Variants in SLC66A1 observed in about 807,000 individuals in gnomAD.
The protein encoded by SLC66A1 is solute carrier family 66 member 1, also known as lysosomal amino acid transporter 1 homolog.
A neutral mutation model predicts 33.0 loss-of-function variants in SLC66A1; 23 were observed. That is an observed-to-expected ratio of 0.70 (90% CI 0.50 to 0.99). The LOEUF (loss-of-function observed/expected upper bound fraction) is 0.99, where lower values mean the gene tolerates loss of function less well. SLC66A1 is among the 50% of genes least tolerant of loss of function. The pLI is 0.00. For synonymous variants in SLC66A1, 164 were observed against 175.5 expected (o/e 0.93, Z 0.52); for missense variants, 335 against 383.6 (o/e 0.87, Z 1.06).
chr1:19,324,511 C>G, intron 2 of SLC66A1, 122 bp from the exon 3 acceptor site: 1 of 1,274,710 alleles, frequency 7.8e-7, no homozygotes, highest in African/African-American at 1.5e-5. Context: ...GGCCGCCAGG[C>G]CACTTCCTCT....
downstream of SLC66A1, among the ~76,000 whole-genome samples, chr1:19,330,142 T>C (rs2093888553): frequency 6.6e-6 from 1 of 152,132 alleles, no homozygotes; most frequent in South Asian, 2.1e-4. Context: ...CCAGACCCTG[T>C]TCTGATTCCA....
rs577136557 is a variant in SLC66A1 at position 19,312,804 on chromosome 1, C to T, written c.-164C>T. The T allele has an allele frequency of 8.0e-4, 122 of 153,092 alleles. 1 individual carries two copies. Among genetic ancestry groups the T allele is most frequent in the African/African-American group, 2.9e-3 (120 of 41,604 alleles). The allele number at this position is 153,092 out of a possible 1,614,324, so 9.5% of individuals were successfully genotyped here. A position where few individuals can be genotyped will look rare whatever the true frequency, so the allele number is the denominator to read the frequency against. On this transcript the variant is annotated 5_prime_UTR_variant, in exon 1 of 8. Transcript: ENST00000375153. ...CGAGGCCTGGAGTGGGTGGTAGCCCCGAGCTGGGACGCTCCTCCCTCCACA... is the reference window on the plus strand; with the variant it reads ...CGAGGCCTGGAGTGGGTGGTAGCCCTGAGCTGGGACGCTCCTCCCTCCACA...
intron 1 of SLC66A1, among the ~76,000 whole-genome samples, chr1:19,315,799 C>T (rs926161019): frequency 2.6e-5 from 4 of 152,126 alleles, no homozygotes; most frequent in Non-Finnish European, 4.4e-5. Context: ...GGACCTGAGG[C>T]GGGTGGTGTG....
At position 19,324,553 on chromosome 1, in the gene SLC66A1, C is replaced by T. The variant is rs1309560101; in HGVS notation, c.165-80C>T. 13 of 1,559,326 alleles carry T rather than the reference C, an allele frequency of 8.3e-6. No homozygotes were observed. The East Asian group carries it at 1.8e-4, about 22-fold the overall frequency. ...CCGCCTCGATCCCCATGGTCGTCTCCTCTGGGCGGTGTCCCCTATAAGGCG... is the reference window on the plus strand; with the variant it reads ...CCGCCTCGATCCCCATGGTCGTCTCTTCTGGGCGGTGTCCCCTATAAGGCG... On this transcript the variant is annotated intron_variant, in intron 2 of 7. Transcript: ENST00000375153.
chr1:19,319,680 A>C (rs570655369), intron 2 of SLC66A1, among the ~76,000 whole-genome samples: 30 of 141,108 alleles, frequency 2.1e-4, no homozygotes, highest in African/African-American at 8.1e-4. Context: ...AGGCGGGCAG[A>C]TCGCCTGAGG....
chr1:19,333,650 A>G (rs1400783177), downstream of SLC66A1, among the ~76,000 whole-genome samples: 2 of 152,118 alleles, frequency 1.3e-5, no homozygotes, highest in African/African-American at 4.8e-5. This position sits in a 1 kb window ranked among gnomAD's most constrained non-coding sequence, Gnocchi z 4.2. Flanking sequence ...CCAGATGGTA[A>G]AGCTTTAAAC....
intron 4 of SLC66A1, 149 bp from the exon 5 acceptor site, chr1:19,326,096 G>A (rs530433634): frequency 2.8e-6 from 2 of 707,102 alleles, no homozygotes; most frequent in African/African-American, 3.6e-5. Flanking sequence ...GTACCCATTC[G>A]ACAGATGAAG....
At chr1:19,323,025 G>T (rs2093845783) in intron 2 of SLC66A1, among the ~76,000 whole-genome samples, 1 of 151,994 alleles carries the variant, frequency 6.6e-6, no homozygotes, top group Non-Finnish European at 1.5e-5. Context: ...GGGACCACAG[G>T]TCCCCACTCC....
At chr1:19,324,208 C>T (rs765671214) in intron 2 of SLC66A1, among the ~76,000 whole-genome samples, 6 of 152,268 alleles carry the variant, frequency 3.9e-5, no homozygotes, top group Admixed American at 2.0e-4. Context: ...TCGGCCCGCA[C>T]GTCCCTTTCC....
rs765457075 is a variant in SLC66A1 at position 19,327,638 on chromosome 1, A to T, written c.804+226A>T. 1.6e-5 allele frequency: 11 copies of T among 706,428 alleles called. No homozygotes were observed. The South Asian group carries it at 1.7e-4, about 11-fold the overall frequency. The allele number at this position is 706,428 out of a possible 1,614,324, so 43.8% of individuals were successfully genotyped here. On this transcript the variant is annotated intron_variant, in intron 7 of 7. Transcript: ENST00000375153. ...GAGCCGTGAGTGAGCAAGAACAGCCATGAGTGCCCCAGAAGCTTACAGCCC... is the reference window on the plus strand; with the variant it reads ...GAGCCGTGAGTGAGCAAGAACAGCCTTGAGTGCCCCAGAAGCTTACAGCCC...
intron 2 of SLC66A1, among the ~76,000 whole-genome samples, chr1:19,318,377 T>C (rs1404204935): frequency 6.6e-6 from 1 of 152,186 alleles, no homozygotes; most frequent in Non-Finnish European, 1.5e-5. Context: ...GAGGACATGC[T>C]GCACAGGGGT....
intron 1 of SLC66A1, chr1:19,313,118 A>G (rs921686465): frequency 1.4e-4 from 113 of 820,158 alleles, no homozygotes; most frequent in South Asian, 1.3e-3. Flanking sequence ...TTAACTCTGC[A>G]GTCAGCCTAG....
At chr1:19,325,191 T>G (rs1039633920) in intron 3 of SLC66A1, among the ~76,000 whole-genome samples, 1 of 152,208 alleles carries the variant, frequency 6.6e-6, no homozygotes, top group Non-Finnish European at 1.5e-5. Flanking sequence ...ACTGCCCTGG[T>G]GTCAGGCCAA....
At chr1:19,318,235 G>T (rs1254552406) in intron 2 of SLC66A1, among the ~76,000 whole-genome samples, 2 of 152,216 alleles carry the variant, frequency 1.3e-5, no homozygotes, top group African/African-American at 4.8e-5. Flanking sequence ...CAGCTGGTCA[G>T]AGATGGGGCG....
chr1:19,319,952 G>A (rs564094123), intron 2 of SLC66A1, among the ~76,000 whole-genome samples: 294 of 150,526 alleles, frequency 2.0e-3, no homozygotes, highest in African/African-American at 7.0e-3. Context: ...GCTGGAGTGC[G>A]GTGGTGCAAT....
chr1:19,324,832 A>T, intron 3 of SLC66A1, 70 bp downstream of exon 3: 1 of 1,574,988 alleles, frequency 6.3e-7, no homozygotes, highest in South Asian at 1.1e-5. Flanking sequence ...GCCTGAGGAG[A>T]TGCCAGGCTC....
At chr1:19,313,162 G>A (rs1191700945) in intron 1 of SLC66A1, 1 of 984,018 alleles carries the variant, frequency 1.0e-6, no homozygotes, top group African/African-American at 1.7e-5. Context: ...CTACTTTTCA[G>A]ATGAGAACTA....
At position 19,317,582 on chromosome 1, in the gene SLC66A1, C is replaced by T. The variant is rs1332087909; in HGVS notation, c.-78-18C>T. On this transcript the variant is annotated intron_variant, in intron 1 of 7. Coordinates refer to ENST00000375153, the MANE Select transcript of SLC66A1 (RefSeq NM_001040125.2). ...TGGACCTCCCAGTGCTGAAAGCCTC[C>T]TCCCTTCCTCCCTGTAGAACCCTTG... is the stretch of plus-strand genomic sequence containing the variant. 1.2e-5 allele frequency: 19 copies of T among 1,527,420 alleles called. No individual in the cohort carries two copies. Among genetic ancestry groups the T allele is most frequent in the Non-Finnish European group, 1.7e-5 (19 of 1,140,990 alleles). The allele number at this position is 1,527,420 out of a possible 1,614,324, so 94.6% of individuals were successfully genotyped here.
intron 2 of SLC66A1, among the ~76,000 whole-genome samples, chr1:19,319,789 G>T (rs1215605194): frequency 6.6e-6 from 1 of 151,082 alleles, no homozygotes; most frequent in Non-Finnish European, 1.5e-5. Context: ...TGTGGTCCCA[G>T]CTACTCGGGA....
Sources: gnomAD v4.1 joint callset for allele counts (sites outside exome capture counted in the v4.1 genomes callset) on GRCh38, gnomAD v4.1.1 for gene constraint, Gnocchi (gnomAD v3.1) non-coding constraint, MANE v1.5 for transcripts, NCBI Gene and HGNC (gene_info 2026-07-23, HGNC 2026-07-21) for gene names.